The following ACSM1 variants were observed in gnomAD, a reference collection of about 807,000 sequenced individuals.
ACSM1 encodes the protein acyl-coenzyme A synthetase ACSM1, mitochondrial.
Under a neutral mutation model 75.8 loss-of-function variants are expected in ACSM1, and 79 were observed. The ratio of observed to expected loss-of-function variants is 1.04; its 90% CI spans 0.87 to 1.26. The LOEUF is 1.26. Among genes scored for constraint, ACSM1 ranks in the 50% most tolerant of loss-of-function variants. The probability of loss-of-function intolerance (pLI) is 0.00; values close to 1 mark genes in which losing one functional copy is unlikely to be tolerated. For missense variants in ACSM1, 676 were observed against 720.1 expected, an observed-to-expected ratio of 0.94 and a Z score of 0.70; for synonymous variants, 279 against 265.8, an observed-to-expected ratio of 1.05 and a Z score of -0.48.
chr16:20,624,000 TTGTTTGGGGC>T, intron 13 of ACSM1, 86 bp downstream of exon 13: 1 of 1,539,658 alleles, frequency 6.5e-7, no homozygotes, highest in Middle Eastern at 2.1e-4. Flanking sequence ...TAAACCTCCA[TTGTTTGGGGC>T]TGTTTGTTAC....
chr16:20,693,117 C>T (rs1174180869), intron 1 of ACSM1, among the ~76,000 whole-genome samples: 1 of 151,650 alleles, frequency 6.6e-6, no homozygotes, highest in Non-Finnish European at 1.5e-5. Context: ...TTGCAGTGAG[C>T]CGAGATCATG....
At chr16:20,627,868 A>G (rs1184233700) in intron 10 of ACSM1, among the ~76,000 whole-genome samples, 1 of 37,696 alleles carries the variant, frequency 2.7e-5, no homozygotes, top group Non-Finnish European at 5.0e-5. Flanking sequence ...CTGTATGTAT[A>G]CATATATATA....
At position 20,664,746 on chromosome 16, in the gene ACSM1, G is replaced by T. The variant is rs543190302; in HGVS notation, c.913-2873C>A. Among the ~76,000 whole-genome samples, 739 of 152,116 alleles carry T rather than the reference G, an allele frequency of 4.9e-3. 12 individuals carry two copies. Among genetic ancestry groups the T allele is most frequent in the African/African-American group, 0.017 (696 of 41,502 alleles). On this transcript the variant is annotated intron_variant, in intron 6 of 13. Transcript: ENST00000520010. ...GAACATATTCTAAAATTGACCACAG[G>T]TTCAGTCATAAAGCAAGTCTCAATA...
At chr16:20,696,554 C>T (rs1019724976) in intron 1 of ACSM1, among the ~76,000 whole-genome samples, 25 of 152,188 alleles carry the variant, frequency 1.6e-4, no homozygotes, top group Admixed American at 1.3e-4. Flanking sequence ...GTACCATGTA[C>T]AGTTTTAGAT....
At chr16:20,677,196 G>A (rs1005371810) in intron 4 of ACSM1, among the ~76,000 whole-genome samples, 2 of 150,926 alleles carry the variant, frequency 1.3e-5, no homozygotes, top group Non-Finnish European at 1.5e-5. Context: ...TCCTCTAGGA[G>A]GCTAACCAGG....
intron 7 of ACSM1, among the ~76,000 whole-genome samples, chr16:20,649,781 A>G (rs775678598): frequency 1.2e-4 from 19 of 152,140 alleles, no homozygotes; most frequent in Non-Finnish European, 2.2e-4. Flanking sequence ...TATTTGATTG[A>G]TGTCTCATGC....
intron 1 of ACSM1, among the ~76,000 whole-genome samples, chr16:20,696,359 T>C (rs2079689780): frequency 1.3e-5 from 2 of 152,224 alleles, no homozygotes. Context: ...TCACAAAGCT[T>C]AGTTTGTCTA....
chr16:20,666,391 A>C (rs912245786), intron 6 of ACSM1, among the ~76,000 whole-genome samples: 2 of 152,306 alleles, frequency 1.3e-5, no homozygotes, highest in Non-Finnish European at 2.9e-5. Flanking sequence ...ACCACTAAAA[A>C]TGAAATACCT....
intron 8 of ACSM1, 98 bp downstream of exon 8, chr16:20,640,363 C>T (rs1596815694): frequency 7.1e-7 from 1 of 1,409,564 alleles, no homozygotes; most frequent in Non-Finnish European, 9.9e-7. Context: ...GGGAAAGGCA[C>T]AAACCTGTTT....
At chr16:20,694,366 G>C (rs2079678698) in intron 1 of ACSM1, among the ~76,000 whole-genome samples, 1 of 152,160 alleles carries the variant, frequency 6.6e-6, no homozygotes, top group African/African-American at 2.4e-5. Flanking sequence ...TGGCCTTGCT[G>C]AGTAAATTAA....
chr16:20,693,560 A>G (rs1388299025), intron 1 of ACSM1, among the ~76,000 whole-genome samples: 1 of 152,238 alleles, frequency 6.6e-6, no homozygotes, highest in Non-Finnish European at 1.5e-5. Context: ...GGCTGACAAC[A>G]GACCCATATA....
chr16:20,691,751 ATGTGTGTGTGTGTGTG>A (rs59929923), intron 1 of ACSM1, among the ~76,000 whole-genome samples: 9,497 of 134,016 alleles, frequency 0.071, 405 homozygotes, highest in Middle Eastern at 0.12. Flanking sequence ...TACCTCTCCA[ATGTGTGTGTGTGTGTG>A]TGTGTGTGTG....
At chr16:20,688,565 G>A (rs1324436936) in intron 2 of ACSM1, among the ~76,000 whole-genome samples, 1 of 152,046 alleles carries the variant, frequency 6.6e-6, no homozygotes, top group East Asian at 1.9e-4. Flanking sequence ...TTCTCAATAA[G>A]ATTATCAGTG....
chr16:20,690,872 T>C, intron 2 of ACSM1, 125 bp downstream of exon 2: 1 of 893,322 alleles, frequency 1.1e-6, no homozygotes. Context: ...TATAAGCTTC[T>C]TCCACAACAC....
intron 8 of ACSM1, among the ~76,000 whole-genome samples, 197 bp downstream of exon 8, chr16:20,640,264 T>C (rs1359143253): frequency 6.6e-6 from 1 of 152,244 alleles, no homozygotes; most frequent in African/African-American, 2.4e-5. Context: ...ATTTGCCTCG[T>C]AACTACCCCA....
At chr16:20,635,387 T>C (rs2017605566) in intron 10 of ACSM1, among the ~76,000 whole-genome samples, 1 of 152,170 alleles carries the variant, frequency 6.6e-6, no homozygotes, top group African/African-American at 2.4e-5. Context: ...GAGCAAGACC[T>C]TGTTTTTTTC....
intron 4 of ACSM1, among the ~76,000 whole-genome samples, chr16:20,678,682 A>T (rs1596934935): frequency 6.6e-6 from 1 of 152,270 alleles, no homozygotes; most frequent in East Asian, 1.9e-4. Context: ...TGGCTGAAAT[A>T]GTTCAGGACT....
At chr16:20,692,049 C>T (rs896697003) in intron 1 of ACSM1, among the ~76,000 whole-genome samples, 6 of 152,114 alleles carry the variant, frequency 3.9e-5, no homozygotes, top group Non-Finnish European at 2.9e-5. Context: ...TTCTGTAAGC[C>T]AAAAGATTCT....
chr16:20,652,770 C>G (rs2018718412), intron 7 of ACSM1, among the ~76,000 whole-genome samples: 1 of 152,090 alleles, frequency 6.6e-6, no homozygotes, highest in Non-Finnish European at 1.5e-5. Context: ...AATAGCCTAC[C>G]AACCAAAAAA....
Sources: allele counts gnomAD v4.1 joint callset (sites outside exome capture counted in the v4.1 genomes callset), GRCh38; gene constraint gnomAD v4.1.1; transcripts MANE v1.5; gene names NCBI Gene and HGNC (gene_info 2026-07-23, HGNC 2026-07-21).